Variants in ESR1 observed in about 807,000 individuals in gnomAD.
ESR1 encodes the protein estrogen receptor.
ESR1 carries 12 observed loss-of-function variants against 52.7 expected under a neutral mutation model. That is an observed-to-expected ratio of 0.23 (90% confidence interval 0.15 to 0.37). The LOEUF is 0.37. Among genes scored for constraint, ESR1 ranks in the 10% least tolerant of loss-of-function variants. The pLI, the probability that ESR1 is intolerant of heterozygous loss-of-function variation, is 1.00. For missense variants in ESR1, 584 were observed against 779.7 expected, an observed-to-expected ratio of 0.75 and a Z score of 2.99; for synonymous variants, 305 against 316.8, an observed-to-expected ratio of 0.96 and a Z score of 0.39.
At chr6:151,744,640 A>T (rs1454374763) in intron 2 of ESR1, among the ~76,000 whole-genome samples, 1 of 152,200 alleles carries the variant, frequency 6.6e-6, no homozygotes, top group Non-Finnish European at 1.5e-5. Flanking sequence ...TATGATTTGT[A>T]AATATTTTCT....
intron 5 of ESR1, among the ~76,000 whole-genome samples, chr6:152,029,613 C>A (rs929054325): frequency 6.6e-6 from 1 of 152,186 alleles, no homozygotes; most frequent in African/African-American, 2.4e-5. Flanking sequence ...AAGAAATGAA[C>A]AAAGCCTCCA....
chr6:151,981,770 T>C (rs2040015525), intron 4 of ESR1, among the ~76,000 whole-genome samples: 1 of 152,242 alleles, frequency 6.6e-6, no homozygotes, highest in Non-Finnish European at 1.5e-5. Flanking sequence ...TATGCAATCT[T>C]GTAATATAAC....
At chr6:152,079,454 A>C (rs1357670210) in intron 6 of ESR1, among the ~76,000 whole-genome samples, 2 of 152,210 alleles carry the variant, frequency 1.3e-5, no homozygotes, top group Non-Finnish European at 2.9e-5. Flanking sequence ...CATCAACAAA[A>C]AGGACATCCA....
chr6:151,789,103 A>T (rs1787288735), intron 2 of ESR1, among the ~76,000 whole-genome samples: 1 of 152,134 alleles, frequency 6.6e-6, no homozygotes, highest in Admixed American at 6.5e-5. Flanking sequence ...CTGAACTTAA[A>T]ATAAAAGTTA....
chr6:151,763,348 T>A (rs1422300787), intron 2 of ESR1, among the ~76,000 whole-genome samples: 1 of 152,204 alleles, frequency 6.6e-6, no homozygotes, highest in Non-Finnish European at 1.5e-5. Flanking sequence ...CTTTGCTGCA[T>A]TCTTGTGTGC....
intron 6 of ESR1, among the ~76,000 whole-genome samples, chr6:152,086,750 T>C (rs1011437519): frequency 5.9e-5 from 9 of 152,092 alleles, no homozygotes; most frequent in African/African-American, 1.9e-4. Context: ...CATGTTCCCT[T>C]GCTGGGTTCC....
intron 5 of ESR1, among the ~76,000 whole-genome samples, chr6:152,028,464 A>G (rs1313734970): frequency 6.6e-6 from 1 of 152,098 alleles, no homozygotes; most frequent in African/African-American, 2.4e-5. Context: ...GGCTTTTCCG[A>G]TGGTCTTAGC....
At chr6:151,682,387 T>C (rs1470388031) in intron 1 of ESR1, among the ~76,000 whole-genome samples, 3 of 152,196 alleles carry the variant, frequency 2.0e-5, no homozygotes, top group East Asian at 3.8e-4. Flanking sequence ...TGGAGGGAGT[T>C]TCATGTGTTT....
intron 6 of ESR1, among the ~76,000 whole-genome samples, chr6:152,078,611 T>C (rs1164901733): frequency 6.6e-6 from 1 of 152,118 alleles, no homozygotes; most frequent in East Asian, 1.9e-4. Flanking sequence ...TTCATCTCAC[T>C]GGGACTGGTT....
intron 6 of ESR1, among the ~76,000 whole-genome samples, chr6:152,071,782 T>C (rs2048371405): frequency 6.6e-6 from 1 of 152,250 alleles, no homozygotes; most frequent in Admixed American, 6.5e-5. Flanking sequence ...AACACGTAAG[T>C]GATTTCTCTT....
At chr6:152,043,820 TC>T (rs2128905277) in intron 5 of ESR1, among the ~76,000 whole-genome samples, 1 of 152,302 alleles carries the variant, frequency 6.6e-6, no homozygotes, top group African/African-American at 2.4e-5. Flanking sequence ...AGGGTACCAT[TC>T]TTTTTCAATC....
rs925924895 is a variant in ESR1 at position 152,102,767 on chromosome 6, T to C, written c.*3801T>C. The C allele has an allele frequency of 1.4e-5, 3 of 220,624 alleles. No individual in the cohort carries two copies. Among genetic ancestry groups the C allele is most frequent in the Non-Finnish European group, 2.7e-5 (3 of 109,856 alleles). 13.7% of individuals were successfully genotyped at this position (220,624 alleles called of 1,614,324 possible). ...TTTTGAGATTCAAGAAAAATTTCTA[T>C]TCTTTTTTTTGCATCCAATTGTGCC... On this transcript the variant is annotated 3_prime_UTR_variant, in exon 8 of 8. Coordinates refer to ENST00000206249, the MANE Select transcript of ESR1 (RefSeq NM_000125.4).
At chr6:151,768,339 A>G (rs1272559613) in intron 2 of ESR1, among the ~76,000 whole-genome samples, 1 of 152,180 alleles carries the variant, frequency 6.6e-6, no homozygotes, top group African/African-American at 2.4e-5. Context: ...AAGCATCACA[A>G]AATCCCCAAT....
intron 6 of ESR1, among the ~76,000 whole-genome samples, chr6:152,064,117 A>G (rs1424085855): frequency 6.6e-6 from 1 of 152,202 alleles, no homozygotes; most frequent in Non-Finnish European, 1.5e-5. Context: ...CATAGGACAC[A>G]CGTTGTTTGT....
At chr6:152,013,360 G>A (rs2128787677) in intron 5 of ESR1, among the ~76,000 whole-genome samples, 1 of 152,180 alleles carries the variant, frequency 6.6e-6, no homozygotes, top group African/African-American at 2.4e-5. Context: ...CCTGCCTACT[G>A]CCTGGAGTGT....
At chr6:152,065,619 T>C (rs948460003) in intron 6 of ESR1, among the ~76,000 whole-genome samples, 12 of 152,216 alleles carry the variant, frequency 7.9e-5, no homozygotes, top group Non-Finnish European at 1.8e-4. Context: ...GGTAACTTTA[T>C]CTACTTCTCT....
chr6:151,912,254 A>G (rs1207700693), intron 3 of ESR1, among the ~76,000 whole-genome samples: 1 of 152,242 alleles, frequency 6.6e-6, no homozygotes, highest in Non-Finnish European at 1.5e-5. Context: ...TTTGGAGCAT[A>G]GTTTTTGAAT....
intron 2 of ESR1, among the ~76,000 whole-genome samples, chr6:151,772,432 T>A (rs1562393271): frequency 6.6e-6 from 1 of 152,228 alleles, no homozygotes; most frequent in African/African-American, 2.4e-5. Flanking sequence ...GCACTTTGTG[T>A]GGTCATGGGT....
At chr6:151,996,135 T>G (rs971860018) in intron 4 of ESR1, among the ~76,000 whole-genome samples, 2 of 152,206 alleles carry the variant, frequency 1.3e-5, no homozygotes, top group Admixed American at 6.5e-5. Context: ...CAGTGCATTT[T>G]TTCCCTGATA....
Sources: allele counts gnomAD v4.1 joint callset (sites outside exome capture counted in the v4.1 genomes callset), GRCh38; gene constraint gnomAD v4.1.1; transcripts MANE v1.5; gene names NCBI Gene and HGNC (gene_info 2026-07-23, HGNC 2026-07-21).